LMNB1: variants seen among roughly 807,000 people sequenced by gnomAD.
The protein encoded by LMNB1 is lamin B1.
Under a neutral mutation model 67.1 loss-of-function variants are expected in LMNB1, and 23 were observed. The ratio of observed to expected loss-of-function variants is 0.34; its 90% CI spans 0.25 to 0.49. LMNB1 has a LOEUF of 0.49. Among genes scored for constraint, LMNB1 ranks in the 20% least tolerant of loss-of-function variants. The probability of loss-of-function intolerance (pLI) is 0.99; values close to 1 mark genes in which losing one functional copy is unlikely to be tolerated. For missense variants in LMNB1, 634 were observed against 746.5 expected, an observed-to-expected ratio of 0.85 and a Z score of 1.76; for synonymous variants, 281 against 282.9, an observed-to-expected ratio of 0.99 and a Z score of 0.07.
chr5:126,831,875 T>G (rs1752142256), intron 9 of LMNB1, among the ~76,000 whole-genome samples: 1 of 152,194 alleles, frequency 6.6e-6, no homozygotes. Context: ...GCAGGAAATA[T>G]GGAAGGTATA....
At chr5:126,803,977 A>G (rs990529936) in intron 1 of LMNB1, among the ~76,000 whole-genome samples, 16 of 152,106 alleles carry the variant, frequency 1.1e-4, no homozygotes, top group African/African-American at 3.9e-4. Context: ...GCTTGGGGTC[A>G]ATTAGTTCTT....
At chr5:126,815,787 C>G (rs1751691850) in intron 5 of LMNB1, among the ~76,000 whole-genome samples, 1 of 152,176 alleles carries the variant, frequency 6.6e-6, no homozygotes, top group Non-Finnish European at 1.5e-5. Context: ...TTATATTTCA[C>G]TACACAGGTG....
At chr5:126,812,674 A>G (rs1751606385) in intron 5 of LMNB1, among the ~76,000 whole-genome samples, 2 of 151,802 alleles carry the variant, frequency 1.3e-5, no homozygotes, top group South Asian at 4.2e-4. Context: ...TCAAGGGAGG[A>G]AATCTTGTTT....
intron 6 of LMNB1, among the ~76,000 whole-genome samples, chr5:126,820,401 A>T (rs1456097182): frequency 6.6e-6 from 1 of 152,210 alleles, no homozygotes; most frequent in Non-Finnish European, 1.5e-5. Flanking sequence ...GTTATTTTTT[A>T]AAAAAGAAAA....
chr5:126,832,710 G>T lies in LMNB1; in HGVS notation c.1628G>T (p.Ser543Ile). Reference sequence around the variant, plus strand: ...TGTTTTTAGGAGGTTGCTCAAAGAAGTACAGTCTTTAAAACAACCATACCT... The same window carrying T: ...TGTTTTTAGGAGGTTGCTCAAAGAATTACAGTCTTTAAAACAACCATACCT... The part of the protein sequence containing the change: ...NSQGEEVAQR[S>I]TVFKTTIPEE... Residue 543 changes from serine to isoleucine, a missense_variant, in exon 10 of 11, where the codon AGT becomes ATT. Physicochemically the swap from Ser to Ile is moderately radical, Grantham distance 142. Transcript: ENST00000261366. 6 of 1,612,168 alleles carry T rather than the reference G, an allele frequency of 3.7e-6. No homozygotes were observed. Among genetic ancestry groups the T allele is most frequent in the Non-Finnish European group, 5.1e-6 (6 of 1,178,570 alleles).
chr5:126,796,786 C>CTTTTTTTTTTTTTTTTT (rs34534973), intron 1 of LMNB1, among the ~76,000 whole-genome samples: 38 of 118,740 alleles, frequency 3.2e-4, no homozygotes, highest in Non-Finnish European at 5.1e-4. Context: ...TTTTTTCTTT[C>CTTTTTTTTTTTTTTTTT]TTTTTTTTTT....
chr5:126,781,684 C>T (rs1313954350), intron 1 of LMNB1, among the ~76,000 whole-genome samples: 1 of 152,168 alleles, frequency 6.6e-6, no homozygotes, highest in Non-Finnish European at 1.5e-5. Flanking sequence ...GATCCACCCA[C>T]CTCGGCCTCC....
intron 9 of LMNB1, among the ~76,000 whole-genome samples, chr5:126,827,763 G>T (rs1752029543): frequency 6.6e-6 from 1 of 152,230 alleles, no homozygotes; most frequent in Non-Finnish European, 1.5e-5. Context: ...AGAAGATGCA[G>T]CCAGTGAAGT....
intron 1 of LMNB1, among the ~76,000 whole-genome samples, chr5:126,803,490 C>T (rs150858792): frequency 3.3e-5 from 5 of 152,010 alleles, no homozygotes; most frequent in Admixed American, 6.6e-5. Flanking sequence ...TCAGGTGATC[C>T]GCCCACCTCA....
At chr5:126,777,931 G>C in intron 1 of LMNB1, 64 bp downstream of exon 1, 2 of 1,368,128 alleles carry the variant, frequency 1.5e-6, no homozygotes, top group Non-Finnish European at 1.9e-6. Context: ...GCGGCGACCA[G>C]CTCACCGGGT....
intron 6 of LMNB1, among the ~76,000 whole-genome samples, chr5:126,820,518 ATTC>A (rs1200553787): frequency 4.6e-5 from 7 of 151,944 alleles, no homozygotes; most frequent in African/African-American, 1.4e-4. Context: ...TGGGTGGGAT[ATTC>A]TTCTTCTTAT....
chr5:126,782,326 C>G (rs867928407), intron 1 of LMNB1, among the ~76,000 whole-genome samples: 2 of 152,256 alleles, frequency 1.3e-5, no homozygotes, highest in Middle Eastern at 6.8e-3. Context: ...GATGCACATA[C>G]TGGATATGAC....
At chr5:126,794,078 G>A (rs546080732) in intron 1 of LMNB1, among the ~76,000 whole-genome samples, 8 of 151,968 alleles carry the variant, frequency 5.3e-5, no homozygotes, top group Non-Finnish European at 1.2e-4. Flanking sequence ...GGGATTACAG[G>A]CATGAGCCAC....
At chr5:126,812,627 T>G (rs1751605420) in intron 5 of LMNB1, among the ~76,000 whole-genome samples, 1 of 152,184 alleles carries the variant, frequency 6.6e-6, no homozygotes, top group South Asian at 2.1e-4. Flanking sequence ...ACTCGTCACC[T>G]TAATTATTTT....
At chr5:126,832,657 A>T in intron 9 of LMNB1, 37 bp from the exon 10 acceptor site, 1 of 1,457,442 alleles carries the variant, frequency 6.9e-7, no homozygotes, top group Non-Finnish European at 9.6e-7. Context: ...TGGTGATTTT[A>T]AGTGTGTTTT....
At chr5:126,790,794 C>T (rs1055794641) in intron 1 of LMNB1, among the ~76,000 whole-genome samples, 9 of 151,666 alleles carry the variant, frequency 5.9e-5, no homozygotes, top group Admixed American at 2.0e-4. Context: ...ATGTTTTGGC[C>T]GAGGTGGGTG....
chr5:126,794,015 A>G (rs1458274436), intron 1 of LMNB1, among the ~76,000 whole-genome samples: 1 of 151,398 alleles, frequency 6.6e-6, no homozygotes, highest in Non-Finnish European at 1.5e-5. Context: ...ACTCACTGCT[A>G]CCTCCATCTC....
intron 1 of LMNB1, among the ~76,000 whole-genome samples, chr5:126,779,615 A>G (rs1750570298): frequency 6.6e-6 from 1 of 152,216 alleles, no homozygotes; most frequent in African/African-American, 2.4e-5. Flanking sequence ...AATGTCAAAC[A>G]GGGCCGGGCG....
At chr5:126,792,776 A>T (rs1019134472) in intron 1 of LMNB1, among the ~76,000 whole-genome samples, 1 of 151,670 alleles carries the variant, frequency 6.6e-6, no homozygotes, top group Non-Finnish European at 1.5e-5. Context: ...GGGTTTCTCC[A>T]TGCTGGTCAG....
Sources: allele counts gnomAD v4.1 joint callset (sites outside exome capture counted in the v4.1 genomes callset), GRCh38; gene constraint gnomAD v4.1.1; transcripts MANE v1.5; gene names NCBI Gene and HGNC (gene_info 2026-07-23, HGNC 2026-07-21).